Variants in AGL observed in about 807,000 individuals in gnomAD.
AGL encodes the protein glycogen debranching enzyme.
A neutral mutation model predicts 199.3 loss-of-function variants in AGL; 128 were observed. That is an observed-to-expected ratio of 0.64 (90% CI 0.56 to 0.74). AGL has a LOEUF of 0.74. Ranked by LOEUF, AGL falls within the 30% of genes least tolerant of loss-of-function variation. AGL has a pLI of 0.00. For synonymous variants in AGL, 584 were observed against 594.7 expected (o/e 0.98, Z 0.26); for missense variants, 1,809 against 1,820.8 (o/e 0.99, Z 0.12).
rs754127029 is a variant in AGL, at chr1:99,884,197, A to G, written c.2386A>G (p.Ile796Val). The change falls in exon 18 of 34, where the codon ATC (isoleucine) becomes GTC (valine). Residue 796 changes from isoleucine (I) to valine (V), a missense_variant. By Grantham distance (29) the Ile-to-Val change is conservative. Transcript: ENST00000361915. ...ACCTTATAGGAAGGATGAGAATTCA[A>G]TCAATGGAACACCAGATATCACAGT... ...TKPYRKDENS[I>V]NGTPDITVEI... 4.3e-6 allele frequency: 7 copies of G among 1,613,236 alleles called. No homozygotes were observed. In the Admixed American group the frequency reaches 1.0e-4, roughly 23 times the overall value.
chr1:99,898,288 C>T (rs923979550), intron 25 of AGL, among the ~76,000 whole-genome samples: 1 of 152,088 alleles, frequency 6.6e-6, no homozygotes, highest in Non-Finnish European at 1.5e-5. Flanking sequence ...CCTTATGATC[C>T]GCCTGCCTCA....
intron 2 of AGL, among the ~76,000 whole-genome samples, chr1:99,856,313 TCC>T (rs1649422280): frequency 1.9e-4 from 3 of 15,600 alleles, no homozygotes; most frequent in African/African-American, 9.1e-4. Flanking sequence ...CCTTCCTCCC[TCC>T]CTCCCTTCCT....
At position 99,923,676 on chromosome 1, in the gene AGL, A is replaced by C. The variant is rs1655662281; in HGVS notation, c.*2025A>C. ...TATGGTAGTTAAAATACAGAATTAG[A>C]TTTTTAACAGGTGTCATTTGACTAA... On this transcript the variant is annotated 3_prime_UTR_variant, in exon 34 of 34. Transcript: ENST00000361915. 1 of 152,304 alleles carries C rather than the reference A, an allele frequency of 6.6e-6. No homozygotes were observed. The highest frequency in any genetic ancestry group is 2.1e-4 in the South Asian group (1 of 4,824). The allele number at this position is 152,304 out of a possible 1,614,324, so 9.4% of individuals were successfully genotyped here.
At chr1:99,893,354 T>G (rs1653054537) in intron 24 of AGL, among the ~76,000 whole-genome samples, 1 of 152,160 alleles carries the variant, frequency 6.6e-6, no homozygotes, top group South Asian at 2.1e-4. Context: ...AAAATGAAAA[T>G]TACCTTTCCA....
At chr1:99,904,569 A>G (rs1173909530) in intron 27 of AGL, among the ~76,000 whole-genome samples, 1 of 152,190 alleles carries the variant, frequency 6.6e-6, no homozygotes, top group African/African-American at 2.4e-5. Context: ...GAACTGGTCC[A>G]TCACCATAAA....
Position 99,910,678 on chromosome 1 carries a change from T to A in AGL, c.3701-34T>A, listed in dbSNP as rs199931850. On this transcript the variant is annotated intron_variant, in intron 27 of 33. Transcript: ENST00000361915. Reference sequence around the variant, plus strand: ...TTGTATATACTATATATAATACTTATAAAATTTTATTTTATACACATTTTG... The same window carrying A: ...TTGTATATACTATATATAATACTTAAAAAATTTTATTTTATACACATTTTG... 3 of 1,325,804 alleles carry A rather than the reference T, an allele frequency of 2.3e-6. No homozygotes were observed. The Admixed American group carries it at 6.1e-5, about 27-fold the overall frequency. 82.1% of individuals were successfully genotyped at this position (1,325,804 alleles called of 1,614,324 possible).
At chr1:99,901,120 C>T (rs1653803762) in intron 26 of AGL, among the ~76,000 whole-genome samples, 1 of 151,228 alleles carries the variant, frequency 6.6e-6, no homozygotes, top group African/African-American at 2.4e-5. Flanking sequence ...TGTGTAGTCT[C>T]TTAAAAGAGA....
intron 27 of AGL, among the ~76,000 whole-genome samples, chr1:99,904,069 T>C (rs1420040532): frequency 3.3e-5 from 5 of 152,204 alleles, no homozygotes; most frequent in African/African-American, 9.6e-5. Flanking sequence ...ACTTTACTCA[T>C]GGTCTATCTT....
At chr1:99,907,693 G>GTTGTTTTTTTTTTT (rs1553191715) in intron 27 of AGL, among the ~76,000 whole-genome samples, 2 of 118,944 alleles carry the variant, frequency 1.7e-5, no homozygotes, top group African/African-American at 6.0e-5. Context: ...TTTGTTTTTT[G>GTTGTTTTTTTTTTT]TTTTTTTTGC....
In AGL at chr1:99,870,952, A is replaced by G; in HGVS notation, c.958+83A>G. 8.8e-6 allele frequency: 7 copies of G among 794,142 alleles called. No homozygotes were observed. In the South Asian group the frequency reaches 1.1e-4, roughly 12 times the overall value. 49.2% of individuals were successfully genotyped at this position (794,142 alleles called of 1,614,324 possible). A position where few individuals can be genotyped will look rare whatever the true frequency, so the allele number is the denominator to read the frequency against. On this transcript the variant is annotated intron_variant, in intron 7 of 33. Coordinates refer to ENST00000361915, the MANE Select transcript of AGL (RefSeq NM_000642.3). ...GGAAAACTCTCTTTTGGGTAACGTC[A>G]TTATTAAATATGTCATTGTATTATA...
Position 99,916,354 on chromosome 1 carries a change from T to C in AGL, c.4260-56T>C. ...TTTGTTATTGAAATTTTTCTAATGCTTTTTACATAATATCTGATCATCTTT... is the reference window on the plus strand; with the variant it reads ...TTTGTTATTGAAATTTTTCTAATGCCTTTTACATAATATCTGATCATCTTT... On this transcript the variant is annotated intron_variant, in intron 31 of 33. Transcript: ENST00000361915. 1.5e-6 allele frequency: 2 copies of C among 1,362,058 alleles called. 1 individual carries two copies. The highest frequency in any genetic ancestry group is 2.9e-5 in the African/African-American group (2 of 68,496). The allele number at this position is 1,362,058 out of a possible 1,614,324, so 84.4% of individuals were successfully genotyped here.
intron 25 of AGL, among the ~76,000 whole-genome samples, chr1:99,897,878 C>A (rs1332111348): frequency 1.3e-5 from 2 of 152,112 alleles, no homozygotes; most frequent in Admixed American, 6.5e-5. Flanking sequence ...CTAAACAGTT[C>A]ATAAATGTTA....
At chr1:99,875,507 A>G in intron 10 of AGL, 52 bp downstream of exon 10, 3 of 1,464,422 alleles carry the variant, frequency 2.0e-6, no homozygotes, top group Non-Finnish European at 2.9e-6. Context: ...TGAAAATTGT[A>G]TTTAACTTTT....
intron 2 of AGL, among the ~76,000 whole-genome samples, chr1:99,858,352 C>G (rs1649751651): frequency 1.3e-5 from 2 of 152,104 alleles, no homozygotes; most frequent in South Asian, 4.1e-4. Flanking sequence ...AAGTTAAGTG[C>G]TTTTTTGAAG....
rs774894963 is a variant in AGL at position 99,877,722 on chromosome 1, G to C, written c.1505G>C (p.Cys502Ser). 6.2e-7 allele frequency: 1 copy of C among 1,613,924 alleles called. No individual in the cohort carries two copies. The highest frequency in any genetic ancestry group is 8.5e-7 in the Non-Finnish European group (1 of 1,179,966). ...CGCTATGGGAATAAACCAGAGGACT[G>C]TCCTTATCTCTGGGCACACATGAAA... ...KLRYGNKPED[C>S]PYLWAHMKKY... is the part of the protein sequence containing the mutation. Residue 502 changes from cysteine (C) to serine (S), a missense_variant, in exon 12 of 34, where the codon TGT (cysteine) becomes TCT (serine). Coordinates refer to ENST00000361915, the MANE Select transcript of AGL (RefSeq NM_000642.3).
rs11363065 is a variant in AGL, at chr1:99,852,351, CT to C, written c.82+1248del. Among the ~76,000 whole-genome samples, 51,872 of 97,634 alleles carry C rather than the reference CT, an allele frequency of 0.53. 12,100 individuals carry two copies. Among genetic ancestry groups the C allele is most frequent in the African/African-American group, 0.7 (16,288 of 23,278 alleles). 64.1% of individuals were successfully genotyped at this position (97,634 alleles called of 152,430 possible). ...TTACATTAATTCTGAGCATTCATTTCTTTTTTTTTTTTTTTTTTTTTCCTTT... is the reference window on the plus strand; with the variant it reads ...TTACATTAATTCTGAGCATTCATTTCTTTTTTTTTTTTTTTTTTTTCCTTT... On this transcript the variant is annotated intron_variant, in intron 2 of 33. Transcript: ENST00000361915.
At position 99,912,485 on chromosome 1, in the gene AGL, T is replaced by C. The variant is rs41285738; in HGVS notation, c.3917T>C (p.Phe1306Ser). The change falls in exon 29 of 34, where the codon TTC becomes TCC. Residue 1306 changes from phenylalanine to serine, a missense_variant. Coordinates refer to ENST00000361915, the MANE Select transcript of AGL (RefSeq NM_000642.3). ...WLLELSKKNI[F>S]PYHEVTVKRH... ...CTGGAATTATCCAAAAAAAATATTT[T>C]CCCTTATCATGAAGTCACAGTAAAA... 1 of 1,613,920 alleles carries C rather than the reference T, an allele frequency of 6.2e-7. No individual in the cohort carries two copies. The highest frequency in any genetic ancestry group is 8.5e-7 in the Non-Finnish European group (1 of 1,179,916).
At chr1:99,897,164 G>C (rs1653395746) in intron 25 of AGL, among the ~76,000 whole-genome samples, 1 of 152,102 alleles carries the variant, frequency 6.6e-6, no homozygotes. Flanking sequence ...GAACTTATTG[G>C]AGGTCGAAAG....
chr1:99,856,322 TCCTTCCTCCCTC>T (rs1557741460), intron 2 of AGL, among the ~76,000 whole-genome samples: 8 of 19,132 alleles, frequency 4.2e-4, no homozygotes, highest in African/African-American at 2.5e-3. Context: ...CTCCCTCCCT[TCCTTCCTCCCTC>T]CCTCCCTCCC....
Sources: gnomAD v4.1 joint callset for allele counts (sites outside exome capture counted in the v4.1 genomes callset) on GRCh38, gnomAD v4.1.1 for gene constraint, MANE v1.5 for transcripts, NCBI Gene and HGNC (gene_info 2026-07-23, HGNC 2026-07-21) for gene names.